Variants in RREB1 observed in about 807,000 individuals in gnomAD.
RREB1 encodes ras responsive element binding protein 1.
A neutral mutation model predicts 117.8 loss-of-function variants in RREB1; 27 were observed. That is an observed-to-expected ratio of 0.23 (90% CI 0.17 to 0.32). The LOEUF (loss-of-function observed/expected upper bound fraction) is 0.32. Among genes scored for constraint, RREB1 ranks in the 10% least tolerant of loss-of-function variants. The pLI, the probability that RREB1 is intolerant of heterozygous loss-of-function variation, is 1.00. For missense variants in RREB1, 2,577 were observed against 2,378.2 expected, an observed-to-expected ratio of 1.08 and a Z score of -1.74; for synonymous variants, 1,298 against 1,026.7, an observed-to-expected ratio of 1.26 and a Z score of -5.05.
chr6:7,118,757 A>G (rs11755724), intron 1 of RREB1, among the ~76,000 whole-genome samples: 70,931 of 146,774 alleles, frequency 0.48, 19,948 homozygotes, highest in Non-Finnish European at 0.64. Flanking sequence ...GAAAATAGTC[A>G]GTTTTTCACC....
intron 4 of RREB1, chr6:7,183,976 C>T (rs886676684): frequency 6.6e-6 from 1 of 152,248 alleles, no homozygotes; most frequent in Admixed American, 6.5e-5. Context: ...GGTTAGTTAT[C>T]ACATTAGCTG....
intron 1 of RREB1, among the ~76,000 whole-genome samples, chr6:7,120,682 T>G (rs1281257932): frequency 6.6e-6 from 1 of 152,042 alleles, no homozygotes; most frequent in African/African-American, 2.4e-5. Context: ...CCTATTTTTT[T>G]TTTTTTTGAG....
chr6:7,231,151 A>G lies in RREB1; in HGVS notation c.3052A>G (p.Ile1018Val), dbSNP rs1767937359. Residue 1018 changes from isoleucine to valine, a missense_variant, in exon 10 of 13, where the codon ATC becomes GTC. Coordinates refer to ENST00000379938, the MANE Select transcript of RREB1 (RefSeq NM_001003699.4). ...GGGCCCTGTTCAGCTGGCGGTCCCA[A>G]TCTACTCCTCAGCCCTGGTCAGCAG... ...LQGPVQLAVP[I>V]YSSALVSSPP... 1.9e-6 allele frequency: 3 copies of G among 1,612,396 alleles called. No individual in the cohort carries two copies. The highest frequency in any genetic ancestry group is 2.2e-5 in the East Asian group (1 of 44,844).
At chr6:7,165,364 C>T (rs1406889792) in intron 1 of RREB1, among the ~76,000 whole-genome samples, 1 of 152,160 alleles carries the variant, frequency 6.6e-6, no homozygotes, top group Admixed American at 6.5e-5. Flanking sequence ...TAGGGATGTC[C>T]TTTTTAAACA....
chr6:7,192,116 A>ATTTTTTTTTTTT lies in RREB1; in HGVS notation c.425+2810_425+2821dup, dbSNP rs34074532. Among the ~76,000 whole-genome samples, 11 of 15,318 alleles carry ATTTTTTTTTTTT rather than the reference A, an allele frequency of 7.2e-4. 1 individual carries two copies. The highest frequency in any genetic ancestry group is 5.7e-3 in the South Asian group (1 of 174). The allele number at this position is 15,318 out of a possible 152,430, so 10.0% of individuals were successfully genotyped here. ...AAAAGGTATTGGATTTTGTCAGATG[A>ATTTTTTTTTTTT]TTTTTTTTTTTTTTTTTTTTTTTTT... On this transcript the variant is annotated intron_variant, in intron 6 of 12. Coordinates refer to ENST00000379938, the MANE Select transcript of RREB1 (RefSeq NM_001003699.4).
At position 7,249,092 on chromosome 6, in the gene RREB1, AG is replaced by A; in HGVS notation, c.*125del. On this transcript the variant is annotated 3_prime_UTR_variant, in exon 13 of 13. Coordinates refer to ENST00000379938, the MANE Select transcript of RREB1 (RefSeq NM_001003699.4). ...GAGAGAGAGAGAGAGAGAGAGAGAG[AG>A]AGAGAGAGAGACAAGCAGGAGCGTG... The A allele has an allele frequency of 1.1e-5, 9 of 811,774 alleles. No homozygotes were observed. The highest frequency in any genetic ancestry group is 1.7e-5 in the African/African-American group (1 of 57,474). 50.3% of individuals were successfully genotyped at this position (811,774 alleles called of 1,614,324 possible). A position where few individuals can be genotyped will look rare whatever the true frequency, so the allele number is the denominator to read the frequency against.
intron 1 of RREB1, among the ~76,000 whole-genome samples, chr6:7,121,751 C>T (rs1041524631): frequency 6.6e-6 from 1 of 151,946 alleles, no homozygotes; most frequent in Non-Finnish European, 1.5e-5. Context: ...GTTTCTACTA[C>T]GTTAATTAAC....
intron 1 of RREB1, among the ~76,000 whole-genome samples, chr6:7,134,413 A>G (rs568565323): frequency 6.6e-6 from 1 of 152,278 alleles, no homozygotes; most frequent in African/African-American, 2.4e-5. Context: ...TGTGTCCTTT[A>G]TCTGTGGTTG....
At chr6:7,188,663 A>C (rs893660522) in intron 5 of RREB1, among the ~76,000 whole-genome samples, 1 of 152,214 alleles carries the variant, frequency 6.6e-6, no homozygotes, top group Non-Finnish European at 1.5e-5. Context: ...TTACTAAAGT[A>C]ACTCGGGTTT....
chr6:7,164,323 C>T (rs1378751150), intron 1 of RREB1, among the ~76,000 whole-genome samples: 1 of 152,162 alleles, frequency 6.6e-6, no homozygotes, highest in Non-Finnish European at 1.5e-5. Context: ...GTTCTCTTAC[C>T]TGTGTGACTG....
At chr6:7,127,960 AG>A (rs529404195) in intron 1 of RREB1, among the ~76,000 whole-genome samples, 94 of 152,266 alleles carry the variant, frequency 6.2e-4, no homozygotes, top group African/African-American at 2.3e-3. Context: ...GTGGATGTGA[AG>A]GAAGTCAGAC....
At chr6:7,196,163 T>C (rs1765655091) in intron 6 of RREB1, among the ~76,000 whole-genome samples, 1 of 151,868 alleles carries the variant, frequency 6.6e-6, no homozygotes, top group South Asian at 2.1e-4. Flanking sequence ...TGTTGCCTGC[T>C]TGAGGCAGAT....
chr6:7,206,750 G>A (rs527827541), intron 6 of RREB1, among the ~76,000 whole-genome samples: 49 of 152,322 alleles, frequency 3.2e-4, no homozygotes, highest in Middle Eastern at 3.4e-3. Context: ...GGTGAGGCGC[G>A]TGGCACGAAA....
chr6:7,129,623 T>G (rs760653373), intron 1 of RREB1, among the ~76,000 whole-genome samples: 13 of 152,262 alleles, frequency 8.5e-5, no homozygotes, highest in Non-Finnish European at 1.6e-4. Context: ...ATAGCGAAGC[T>G]TTATTTCTTT....
At chr6:7,233,036 C>T (rs1768097995) in intron 10 of RREB1, among the ~76,000 whole-genome samples, 1 of 152,172 alleles carries the variant, frequency 6.6e-6, no homozygotes, top group Admixed American at 6.5e-5. Flanking sequence ...GCTGAGATTA[C>T]AGGCATGCGC....
chr6:7,136,176 C>A (rs1009517297), intron 1 of RREB1, among the ~76,000 whole-genome samples: 5 of 152,194 alleles, frequency 3.3e-5, no homozygotes, highest in Non-Finnish European at 5.9e-5. Context: ...AATTCTAAAA[C>A]AATTTTACAA....
Position 7,249,078 on chromosome 6 carries a change from AG to A in RREB1, c.*111del. ...GTTGAGGAGTGAGAGAGAGAGAGAG[AG>A]AGAGAGAGAGAGAGAGAGAGAGAGA... is the stretch of plus-strand genomic sequence containing the variant. On this transcript the variant is annotated 3_prime_UTR_variant, in exon 13 of 13. Coordinates refer to ENST00000379938, the MANE Select transcript of RREB1 (RefSeq NM_001003699.4). 1 of 698,442 alleles carries A rather than the reference AG, an allele frequency of 1.4e-6. No individual in the cohort carries two copies. The highest frequency in any genetic ancestry group is 2.2e-6 in the Non-Finnish European group (1 of 447,910). The allele number at this position is 698,442 out of a possible 1,614,324, so 43.3% of individuals were successfully genotyped here.
intron 1 of RREB1, among the ~76,000 whole-genome samples, chr6:7,155,891 T>C (rs1763340729): frequency 6.6e-6 from 1 of 152,224 alleles, no homozygotes; most frequent in Non-Finnish European, 1.5e-5. Flanking sequence ...TTCTTTGTCT[T>C]TTGTGTTCAG....
chr6:7,108,330 C>T (rs1377746800), intron 1 of RREB1, among the ~76,000 whole-genome samples: 1 of 151,604 alleles, frequency 6.6e-6, no homozygotes, highest in Admixed American at 6.6e-5. Context: ...TCCTCCTCCT[C>T]CTCCTCCTCC....
Sources: gnomAD v4.1 joint callset for allele counts (sites outside exome capture counted in the v4.1 genomes callset) on GRCh38, gnomAD v4.1.1 for gene constraint, MANE v1.5 for transcripts, NCBI Gene and HGNC (gene_info 2026-07-23, HGNC 2026-07-21) for gene names.